SGCZ: variants seen among roughly 807,000 people sequenced by gnomAD.
SGCZ encodes zeta-sarcoglycan.
In SGCZ, 40 loss-of-function variants were observed where a neutral mutation model predicts 41.3. That is an observed-to-expected ratio of 0.97 (90% confidence interval 0.75 to 1.26). SGCZ has a LOEUF of 1.26. Among genes scored for constraint, SGCZ ranks in the 50% most tolerant of loss-of-function variants. The pLI, the probability that SGCZ is intolerant of heterozygous loss-of-function variation, is 0.00. For missense variants in SGCZ, 552 were observed against 369.8 expected (o/e 1.49, Z -4.04); for synonymous variants, 206 against 137.5 (o/e 1.50, Z -3.49).
rs530269332 is a variant in SGCZ, at chr8:14,558,993, G to A, written c.40-4067C>T. On this transcript the variant is annotated intron_variant, in intron 1 of 7. Coordinates refer to ENST00000382080, the MANE Select transcript of SGCZ (RefSeq NM_139167.4). The stretch of plus-strand genomic sequence containing the variant: ...AGGGACATACCTCAATGTAATAAAA[G>A]CCATCTATGACAAACCCTCAGTCAA... Among the ~76,000 whole-genome samples, 82 of 152,084 alleles carry A rather than the reference G, an allele frequency of 5.4e-4. No individual in the cohort carries two copies. The South Asian group carries it at 0.016, about 29-fold the overall frequency.
intron 2 of SGCZ, among the ~76,000 whole-genome samples, chr8:14,462,062 TTTA>T (rs1211147448): frequency 2.6e-5 from 4 of 152,072 alleles, no homozygotes; most frequent in Non-Finnish European, 1.5e-5. Flanking sequence ...CAGCCATACT[TTTA>T]TTATCTCCTT....
chr8:14,205,971 C>A (rs114460371), intron 4 of SGCZ, among the ~76,000 whole-genome samples: 5,197 of 152,014 alleles, frequency 0.034, 293 homozygotes, highest in African/African-American at 0.12. Flanking sequence ...AGAAAGTTGA[C>A]CAGATTTAAC....
At chr8:14,316,890 G>A (rs1801737509) in intron 3 of SGCZ, among the ~76,000 whole-genome samples, 1 of 149,268 alleles carries the variant, frequency 6.7e-6, no homozygotes, top group African/African-American at 2.5e-5. Context: ...AGACTCATAT[G>A]TCCACCAGCA....
At chr8:14,580,653 A>G (rs556954885) in intron 1 of SGCZ, among the ~76,000 whole-genome samples, 97 of 152,332 alleles carry the variant, frequency 6.4e-4, no homozygotes, top group Non-Finnish European at 1.1e-3. Flanking sequence ...CAATACATGG[A>G]TTAGGACAAA....
intron 3 of SGCZ, among the ~76,000 whole-genome samples, chr8:14,286,807 C>A (rs748575008): frequency 3.9e-5 from 6 of 152,010 alleles, no homozygotes; most frequent in Non-Finnish European, 8.8e-5. Flanking sequence ...CTAAGATACC[C>A]ATAAAATTGT....
chr8:15,104,065 G>A (rs766277019), intron 1 of SGCZ, among the ~76,000 whole-genome samples: 11 of 152,122 alleles, frequency 7.2e-5, no homozygotes, highest in Non-Finnish European at 1.6e-4. Flanking sequence ...ATGCCCAAAC[G>A]AACCTTTCTC....
chr8:14,632,550 T>C (rs1255513901), intron 1 of SGCZ, among the ~76,000 whole-genome samples: 3 of 152,048 alleles, frequency 2.0e-5, no homozygotes, highest in Non-Finnish European at 2.9e-5. Flanking sequence ...CATTGATAGA[T>C]AGCACTAAGA....
chr8:15,012,367 G>A (rs969710175), intron 1 of SGCZ, among the ~76,000 whole-genome samples: 5 of 150,930 alleles, frequency 3.3e-5, no homozygotes, highest in Admixed American at 2.7e-4. Context: ...GGAGGCTGAA[G>A]TGAGAGGATC....
At chr8:14,875,159 C>G (rs1282480500) in intron 1 of SGCZ, among the ~76,000 whole-genome samples, 1 of 152,108 alleles carries the variant, frequency 6.6e-6, no homozygotes, top group Non-Finnish European at 1.5e-5. Flanking sequence ...TGGTAAAGGC[C>G]TCATCTCCAC....
rs1802137668 is a variant in SGCZ, at chr8:14,104,405, T to C, written c.621-1906A>G. ...CAAAGTTGCAACAAGATACAGTTTT[T>C]AAGGTGTTATGCAACTATCAAATTA... is the stretch of plus-strand genomic sequence containing the variant. On this transcript the variant is annotated intron_variant, in intron 6 of 7. Transcript: ENST00000382080. 2.1e-5 allele frequency among the ~76,000 whole-genome samples: 3 copies of C among 139,852 alleles called. No individual in the cohort carries two copies. In the Admixed American group the frequency reaches 2.2e-4, roughly 10 times the overall value. The allele number at this position is 139,852 out of a possible 152,430, so 91.7% of individuals were successfully genotyped here.
intron 1 of SGCZ, among the ~76,000 whole-genome samples, chr8:14,700,850 C>T (rs905798958): frequency 6.6e-6 from 1 of 151,424 alleles, no homozygotes; most frequent in Non-Finnish European, 1.5e-5. Context: ...GAAAACAAAG[C>T]TTATTAAAGC....
intron 1 of SGCZ, among the ~76,000 whole-genome samples, chr8:14,648,191 A>T (rs1279024539): frequency 1.3e-5 from 2 of 152,140 alleles, no homozygotes; most frequent in Non-Finnish European, 2.9e-5. Context: ...AATCATAATA[A>T]TTCAAAATAA....
At chr8:14,125,500 T>A (rs1265180315) in intron 5 of SGCZ, among the ~76,000 whole-genome samples, 1 of 106,378 alleles carries the variant, frequency 9.4e-6, no homozygotes, top group South Asian at 2.9e-4. Context: ...AAAGATTCCG[T>A]CTCAAAAAAA....
intron 4 of SGCZ, among the ~76,000 whole-genome samples, chr8:14,167,447 A>G (rs1804243495): frequency 6.6e-6 from 1 of 152,152 alleles, no homozygotes; most frequent in Non-Finnish European, 1.5e-5. Context: ...GGGTAGTGCT[A>G]TATTTTCTTA....
intron 1 of SGCZ, among the ~76,000 whole-genome samples, chr8:14,971,293 A>G (rs536335668): frequency 6.6e-5 from 10 of 152,106 alleles, no homozygotes; most frequent in Non-Finnish European, 1.3e-4. Flanking sequence ...ACTGGGTAAC[A>G]TCTCCAGTAT....
intron 1 of SGCZ, among the ~76,000 whole-genome samples, chr8:14,755,154 T>C (rs1347016305): frequency 6.6e-6 from 1 of 152,156 alleles, no homozygotes; most frequent in East Asian, 1.9e-4. Context: ...CTCACTTGTT[T>C]TAAGTCTTGA....
chr8:14,128,981 T>G (rs1326848224), intron 5 of SGCZ, among the ~76,000 whole-genome samples: 1 of 152,070 alleles, frequency 6.6e-6, no homozygotes, highest in Non-Finnish European at 1.5e-5. Flanking sequence ...TTTGGTACAG[T>G]GTACACTTTT....
chr8:14,099,985 A>G (rs1411126488), intron 7 of SGCZ, among the ~76,000 whole-genome samples: 1 of 152,166 alleles, frequency 6.6e-6, no homozygotes, highest in Non-Finnish European at 1.5e-5. Flanking sequence ...CCTCAATACC[A>G]TGACTGATAC....
intron 1 of SGCZ, among the ~76,000 whole-genome samples, chr8:15,200,467 T>C (rs1800856043): frequency 6.6e-6 from 1 of 152,136 alleles, no homozygotes. Flanking sequence ...CCATGAATAC[T>C]GACAGGAGAT....
Sources: gnomAD v4.1 joint callset for allele counts (sites outside exome capture counted in the v4.1 genomes callset) on GRCh38, gnomAD v4.1.1 for gene constraint, MANE v1.5 for transcripts, NCBI Gene and HGNC (gene_info 2026-07-23, HGNC 2026-07-21) for gene names.